NSUN7: variants seen among roughly 807,000 people sequenced by gnomAD.
The protein encoded by NSUN7 is protein NSUN7.
In NSUN7, 39 loss-of-function variants were observed where a neutral mutation model predicts 58.5. That is an observed-to-expected ratio of 0.67 (90% CI 0.52 to 0.87). The LOEUF (loss-of-function observed/expected upper bound fraction) is 0.87. Ranked by LOEUF, NSUN7 falls within the 40% of genes least tolerant of loss-of-function variation. NSUN7 has a pLI of 0.00. For missense variants in NSUN7, 765 were observed against 844.1 expected (o/e 0.91, Z 1.16); for synonymous variants, 278 against 303.7 (o/e 0.92, Z 0.88).
At chr4:40,780,817 T>A (rs1170887651) in intron 7 of NSUN7, among the ~76,000 whole-genome samples, 63 of 100,030 alleles carry the variant, frequency 6.3e-4, no homozygotes, top group African/African-American at 1.1e-3. Context: ...ATATATATTT[T>A]TTTTTTTTTT....
chr4:40,795,660 T>C (rs997998091), intron 9 of NSUN7, among the ~76,000 whole-genome samples: 6 of 152,210 alleles, frequency 3.9e-5, no homozygotes, highest in Non-Finnish European at 8.8e-5. Context: ...TTGTATTTAG[T>C]TTCCCATAAG....
intron 2 of NSUN7, among the ~76,000 whole-genome samples, chr4:40,757,169 C>T (rs1008666339): frequency 6.6e-5 from 10 of 152,090 alleles, no homozygotes; most frequent in African/African-American, 2.2e-4. Flanking sequence ...GCAGAGGTTG[C>T]GGTGAGCCGA....
At chr4:40,756,943 A>G (rs1227819752) in intron 2 of NSUN7, among the ~76,000 whole-genome samples, 1 of 152,156 alleles carries the variant, frequency 6.6e-6, no homozygotes, top group Non-Finnish European at 1.5e-5. Context: ...AAAACAAACA[A>G]AAAAGGGCCA....
chr4:40,759,667 C>T (rs1741346732), intron 2 of NSUN7, among the ~76,000 whole-genome samples: 1 of 152,220 alleles, frequency 6.6e-6, no homozygotes, highest in Non-Finnish European at 1.5e-5. Context: ...CTGATACCAA[C>T]ACTGACAAGG....
intron 4 of NSUN7, among the ~76,000 whole-genome samples, chr4:40,771,182 C>T (rs1490162629): frequency 1.3e-5 from 2 of 152,106 alleles, no homozygotes; most frequent in African/African-American, 2.4e-5. Flanking sequence ...ACAGGAAGGG[C>T]GGTGATGTAG....
At chr4:40,751,102 T>C in intron 2 of NSUN7, 111 bp downstream of exon 2, 1 of 1,206,116 alleles carries the variant, frequency 8.3e-7, no homozygotes, top group Middle Eastern at 2.0e-4. Flanking sequence ...GTTTTGGTTT[T>C]AGGCATGTGC....
At chr4:40,800,233 A>T (rs1463608811) in intron 10 of NSUN7, among the ~76,000 whole-genome samples, 1 of 152,084 alleles carries the variant, frequency 6.6e-6, no homozygotes, top group Non-Finnish European at 1.5e-5. Flanking sequence ...TCTATTACTG[A>T]GGTTGAGTAT....
At chr4:40,769,743 A>G (rs942242526) in intron 4 of NSUN7, among the ~76,000 whole-genome samples, 2 of 152,170 alleles carry the variant, frequency 1.3e-5, no homozygotes, top group African/African-American at 2.4e-5. Flanking sequence ...AATTGCCAAA[A>G]TGCCCTTTAA....
intron 7 of NSUN7, among the ~76,000 whole-genome samples, chr4:40,781,705 C>T (rs1742574760): frequency 6.6e-6 from 1 of 152,150 alleles, no homozygotes; most frequent in African/African-American, 2.4e-5. Context: ...CTTGGCCTCC[C>T]AAAGTGTTGG....
At chr4:40,796,685 C>T (rs1393806929) in intron 9 of NSUN7, among the ~76,000 whole-genome samples, 1 of 152,094 alleles carries the variant, frequency 6.6e-6, no homozygotes, top group Non-Finnish European at 1.5e-5. Context: ...ATATCCTTTA[C>T]ACCTATTAAT....
intron 7 of NSUN7, among the ~76,000 whole-genome samples, chr4:40,787,412 A>C (rs1165290861): frequency 6.6e-6 from 1 of 152,076 alleles, no homozygotes; most frequent in Admixed American, 6.5e-5. Context: ...TAATTGATTC[A>C]TCAAGAAAAA....
intron 2 of NSUN7, among the ~76,000 whole-genome samples, chr4:40,751,510 A>C (rs904403920): frequency 6.6e-6 from 1 of 152,134 alleles, no homozygotes; most frequent in African/African-American, 2.4e-5. Context: ...CCAGTGAGGG[A>C]GGATGGGGAG....
At chr4:40,796,863 C>T (rs553667013) in intron 9 of NSUN7, among the ~76,000 whole-genome samples, 1 of 152,232 alleles carries the variant, frequency 6.6e-6, no homozygotes, top group African/African-American at 2.4e-5. Context: ...TTTGAATGTC[C>T]TCCCCCTTTG....
Position 40,794,488 on chromosome 4 carries a change from A to G in NSUN7, c.1282+12A>G. On this transcript the variant is annotated intron_variant, in intron 9 of 11. Transcript: ENST00000381782. Reference sequence around the variant, plus strand: ...ACATGCAATGAAATGTAAGGTTGTCATAGGCACCATCTTGTTAAAATAAGG... The same window carrying G: ...ACATGCAATGAAATGTAAGGTTGTCGTAGGCACCATCTTGTTAAAATAAGG... The G allele has an allele frequency of 6.8e-7, 1 of 1,475,264 alleles. No homozygotes were observed. The highest frequency in any genetic ancestry group is 2.3e-5 in the East Asian group (1 of 43,936). 91.4% of individuals were successfully genotyped at this position (1,475,264 alleles called of 1,614,324 possible).
rs2437311 is a variant in NSUN7, at chr4:40,793,868, A to C, written c.1181-507A>C. On this transcript the variant is annotated intron_variant, in intron 8 of 11. Coordinates refer to ENST00000381782, the MANE Select transcript of NSUN7 (RefSeq NM_024677.6). Reference sequence around the variant, plus strand: ...TTTAAATTATTTTTCAAAAATTAAAAAATGTAAGACATTATTTCTTAATCT... The same window carrying C: ...TTTAAATTATTTTTCAAAAATTAAACAATGTAAGACATTATTTCTTAATCT... Among the ~76,000 whole-genome samples the C allele has an allele frequency of 7.5e-3, 1,146 of 152,348 alleles. 10 individuals carry two copies. The highest frequency in any genetic ancestry group is 0.026 in the African/African-American group (1,075 of 41,576).
intron 7 of NSUN7, among the ~76,000 whole-genome samples, chr4:40,787,895 C>A (rs1742906883): frequency 6.6e-6 from 1 of 152,144 alleles, no homozygotes; most frequent in South Asian, 2.1e-4. Flanking sequence ...AGTGCAGTAG[C>A]ACGATCTTGG....
In NSUN7 at chr4:40,808,915, C is replaced by T. The variant is rs1371891615; in HGVS notation, c.2133C>T (p.Leu711=). 6.5e-7 allele frequency: 1 copy of T among 1,529,620 alleles called. No individual in the cohort carries two copies. The highest frequency in any genetic ancestry group is 8.8e-7 in the Non-Finnish European group (1 of 1,139,022). The allele number at this position is 1,529,620 out of a possible 1,614,324, so 94.8% of individuals were successfully genotyped here. ...AAGATGACACACCTTCCTCCCTACT[C>T]AGGCCTCCTCGGCGATGGCTTTGAT... The part of the protein sequence containing the change: ...KPKDDTPSSL[L]RPPRRWL Residue 711 remains leucine (L), a synonymous_variant, in exon 12 of 12, where the codon CTC becomes CTT. Coordinates refer to ENST00000381782, the MANE Select transcript of NSUN7 (RefSeq NM_024677.6).
At chr4:40,784,915 A>G (rs1394853413) in intron 7 of NSUN7, among the ~76,000 whole-genome samples, 3 of 152,232 alleles carry the variant, frequency 2.0e-5, no homozygotes, top group Non-Finnish European at 4.4e-5. Context: ...AAGTTAACCA[A>G]GCTAACATAT....
At chr4:40,762,323 GCAA>G (rs1007193705) in intron 4 of NSUN7, among the ~76,000 whole-genome samples, 8 of 152,160 alleles carry the variant, frequency 5.3e-5, no homozygotes, top group African/African-American at 1.9e-4. Context: ...GTACAATGTA[GCAA>G]CAACAACAAT....
Sources: allele counts gnomAD v4.1 joint callset (sites outside exome capture counted in the v4.1 genomes callset), GRCh38; gene constraint gnomAD v4.1.1; transcripts MANE v1.5; gene names NCBI Gene and HGNC (gene_info 2026-07-23, HGNC 2026-07-21).